ZFHX3: variants seen among roughly 807,000 people sequenced by gnomAD.
ZFHX3 encodes the protein zinc finger homeobox protein 3.
Under a neutral mutation model 279.1 loss-of-function variants are expected in ZFHX3, and 42 were observed. The observed-to-expected ratio is 0.15, with a 90% CI of 0.12 to 0.19. The LOEUF (loss-of-function observed/expected upper bound fraction) is 0.19, where lower values mean the gene tolerates loss of function less well. Ranked by LOEUF, ZFHX3 falls within the 10% of genes least tolerant of loss-of-function variation. The pLI is 1.00. For missense variants in ZFHX3, 4,981 were observed against 4,754.0 expected, an observed-to-expected ratio of 1.05 and a Z score of -1.40; for synonymous variants, 2,293 against 1,957.8, an observed-to-expected ratio of 1.17 and a Z score of -4.52.
intron 7 of ZFHX3, among the ~76,000 whole-genome samples, chr16:73,108,342 AAG>A (rs1047929074): frequency 2.0e-5 from 3 of 151,836 alleles, no homozygotes; most frequent in Non-Finnish European, 4.4e-5. Context: ...TTAAAAAAAA[AAG>A]AGAGAGAGAG....
intron 1 of ZFHX3, among the ~76,000 whole-genome samples, chr16:73,698,631 T>A (rs565308193): frequency 6.6e-6 from 1 of 152,092 alleles, no homozygotes; most frequent in Non-Finnish European, 1.5e-5. Context: ...ATTACCTCAA[T>A]GTAATCATGG....
chr16:73,633,133 T>C (rs1218299335), intron 2 of ZFHX3, among the ~76,000 whole-genome samples: 2 of 152,214 alleles, frequency 1.3e-5, no homozygotes, highest in Non-Finnish European at 2.9e-5. Context: ...AATTTCTATG[T>C]TTCAAACATC....
intron 2 of ZFHX3, among the ~76,000 whole-genome samples, chr16:73,618,456 G>C (rs1439011885): frequency 6.6e-6 from 1 of 152,200 alleles, no homozygotes; most frequent in Non-Finnish European, 1.5e-5. Context: ...TCTATCTGCA[G>C]ATGAGGACAC....
chr16:73,836,178 C>T (rs1466552408), intron 1 of ZFHX3, among the ~76,000 whole-genome samples: 1 of 152,212 alleles, frequency 6.6e-6, no homozygotes, highest in Admixed American at 6.5e-5. Flanking sequence ...CCCAGGTAAA[C>T]TTAGGAGCAT....
chr16:73,057,648 T>C (rs1425972063), intron 1 of ZFHX3, among the ~76,000 whole-genome samples: 1 of 151,596 alleles, frequency 6.6e-6, no homozygotes. Context: ...GGTCTGGCCC[T>C]GGCCAGCGGC....
chr16:73,709,261 A>C (rs146134831), intron 1 of ZFHX3, among the ~76,000 whole-genome samples: 2,035 of 151,978 alleles, frequency 0.013, 26 homozygotes, highest in Non-Finnish European at 0.019. Context: ...GCTACTTTGG[A>C]GGCTGAGGTG....
In ZFHX3 at chr16:73,136,725, C is replaced by CAAA. The variant is rs397855836; in HGVS notation, c.-1023-5634_-1023-5632dup. ...TGGGTGACAGAGCAAGACTCTGCCT[C>CAAA]AAAAAAAAAAAAAAAAAAAAAAAAA... On this transcript the variant is annotated intron_variant, in intron 6 of 17. Coordinates refer to the ZFHX3 transcript ENST00000641206. Among the ~76,000 whole-genome samples the CAAA allele has an allele frequency of 1.7e-3, 71 of 41,600 alleles. 1 individual carries two copies. Among genetic ancestry groups the CAAA allele is most frequent in the African/African-American group, 2.9e-3 (30 of 10,308 alleles). The allele number at this position is 41,600 out of a possible 152,430, so 27.3% of individuals were successfully genotyped here.
intron 9 of ZFHX3, among the ~76,000 whole-genome samples, chr16:72,791,819 ATTCTC>A (rs898102785): frequency 1.9e-4 from 29 of 152,138 alleles, no homozygotes; most frequent in African/African-American, 6.8e-4. Context: ...TTCTTTTCTT[ATTCTC>A]TTTGAATAAG....
intron 2 of ZFHX3, among the ~76,000 whole-genome samples, chr16:73,510,678 T>G (rs561318165): frequency 6.6e-6 from 1 of 152,346 alleles, no homozygotes; most frequent in African/African-American, 2.4e-5. Flanking sequence ...TGTGGTATTG[T>G]GCAGTATCCA....
chr16:73,361,270 C>T (rs953005934), intron 3 of ZFHX3, among the ~76,000 whole-genome samples: 8 of 152,186 alleles, frequency 5.3e-5, no homozygotes, highest in African/African-American at 1.9e-4. Context: ...TTGCTTTGGC[C>T]GATGAGACGG....
intron 7 of ZFHX3, among the ~76,000 whole-genome samples, chr16:73,122,426 C>T (rs375101781): frequency 1.6e-4 from 25 of 151,584 alleles, no homozygotes; most frequent in African/African-American, 4.8e-4. Flanking sequence ...AGGCTGGTCT[C>T]GAAACCCGGA....
intron 7 of ZFHX3, among the ~76,000 whole-genome samples, chr16:73,119,706 A>T (rs1468546585): frequency 6.6e-6 from 1 of 152,214 alleles, no homozygotes; most frequent in Non-Finnish European, 1.5e-5. Flanking sequence ...TCTTTTAGAA[A>T]TGGGGTCTTG....
chr16:72,973,382 C>A (rs1420351557), intron 1 of ZFHX3: 1 of 152,016 alleles, frequency 6.6e-6, no homozygotes, highest in Non-Finnish European at 1.5e-5. Flanking sequence ...ACCCCAAGAT[C>A]TACCACTAAC....
chr16:73,252,957 C>T (rs1567431392), intron 5 of ZFHX3, among the ~76,000 whole-genome samples: 1 of 152,190 alleles, frequency 6.6e-6, no homozygotes, highest in Non-Finnish European at 1.5e-5. Flanking sequence ...GCAGAGAAAG[C>T]AGAGCAGGAA....
chr16:73,684,350 G>A (rs1662012936), intron 1 of ZFHX3, among the ~76,000 whole-genome samples: 1 of 151,974 alleles, frequency 6.6e-6, no homozygotes, highest in South Asian at 2.1e-4. Flanking sequence ...GTGTGTGTGT[G>A]TGTGTATGTG....
At chr16:73,458,354 C>T (rs1389350196) in intron 2 of ZFHX3, among the ~76,000 whole-genome samples, 5 of 144,554 alleles carry the variant, frequency 3.5e-5, no homozygotes, top group Non-Finnish European at 7.6e-5. Flanking sequence ...CCCTCCCTTC[C>T]TCCTTTCCTC....
intron 2 of ZFHX3, among the ~76,000 whole-genome samples, chr16:73,511,055 C>T (rs1176245579): frequency 6.6e-6 from 1 of 152,226 alleles, no homozygotes; most frequent in Non-Finnish European, 1.5e-5. Flanking sequence ...TTGATGTTGT[C>T]AGATGAGGTA....
chr16:73,461,103 G>T (rs922051752), intron 2 of ZFHX3, among the ~76,000 whole-genome samples: 3 of 152,148 alleles, frequency 2.0e-5, no homozygotes, highest in African/African-American at 7.2e-5. Context: ...ATTATAATAG[G>T]TTTGTCATGA....
intron 8 of ZFHX3, among the ~76,000 whole-genome samples, chr16:73,078,853 C>T (rs1965913669): frequency 6.6e-6 from 1 of 151,778 alleles, no homozygotes; most frequent in Non-Finnish European, 1.5e-5. Context: ...ACCATCTTAG[C>T]CAGGATGGTC....
Sources: allele counts gnomAD v4.1 joint callset (sites outside exome capture counted in the v4.1 genomes callset), GRCh38; gene constraint gnomAD v4.1.1; transcripts MANE v1.5; gene names NCBI Gene and HGNC (gene_info 2026-07-23, HGNC 2026-07-21).